IRAK1BP1: variants seen among roughly 807,000 people sequenced by gnomAD.
The protein encoded by IRAK1BP1 is interleukin-1 receptor-associated kinase 1-binding protein 1.
A neutral mutation model predicts 28.0 loss-of-function variants in IRAK1BP1; 24 were observed. That is an observed-to-expected ratio of 0.86 (90% CI 0.62 to 1.20). The LOEUF (loss-of-function observed/expected upper bound fraction) is 1.20. IRAK1BP1 is among the 50% of genes most tolerant of loss of function. The probability of loss-of-function intolerance (pLI) is 0.00; values close to 1 mark genes in which losing one functional copy is unlikely to be tolerated. For synonymous variants in IRAK1BP1, 131 were observed against 116.3 expected, an observed-to-expected ratio of 1.13 and a Z score of -0.81; for missense variants, 336 against 316.7, an observed-to-expected ratio of 1.06 and a Z score of -0.46.
intron 1 of IRAK1BP1, among the ~76,000 whole-genome samples, chr6:78,880,235 G>T (rs970691085): frequency 6.6e-6 from 1 of 152,182 alleles, no homozygotes; most frequent in African/African-American, 2.4e-5. Flanking sequence ...TCAGATTTCA[G>T]ATTTTTATTT....
Position 78,933,051 on chromosome 6 carries a change from C to A in IRAK1BP1, c.*68-12357C>A, listed in dbSNP as rs779115640. ...GTAGATTTAATATAATTCTTAAGGG[C>A]CCTAGAATTTTTGGAATGGTAAAGA... On this transcript the variant is annotated intron_variant and NMD_transcript_variant, in intron 4 of 4. Coordinates refer to the IRAK1BP1 transcript ENST00000606868. Among the ~76,000 whole-genome samples the A allele has an allele frequency of 2.6e-5, 4 of 151,808 alleles. No homozygotes were observed. In the South Asian group the frequency reaches 8.3e-4, roughly 31 times the overall value.
At chr6:78,871,611 G>A (rs113002225) in intron 1 of IRAK1BP1, 3 of 848,924 alleles carry the variant, frequency 3.5e-6, no homozygotes, top group African/African-American at 3.7e-5. Flanking sequence ...TCCCAAGTAT[G>A]ATGGTATTCG....
chr6:78,955,760 A>T, the IRAK1BP1 span: 2 of 560,772 alleles, frequency 3.6e-6, no homozygotes, highest in Non-Finnish European at 6.5e-6. Context: ...TCGTAAAACC[A>T]TATTTTAAGG....
intron 1 of IRAK1BP1, among the ~76,000 whole-genome samples, chr6:78,873,382 T>C (rs1027406220): frequency 2.0e-5 from 3 of 152,140 alleles, no homozygotes; most frequent in Non-Finnish European, 2.9e-5. Context: ...CTTAAAGTTT[T>C]GTTTAGCCAA....
the IRAK1BP1 span, among the ~76,000 whole-genome samples, chr6:78,974,328 C>T: frequency 2.5e-4 from 38 of 151,524 alleles, no homozygotes; most frequent in Non-Finnish European, 4.9e-4. Context: ...TTGAAACCAA[C>T]GAGAACAAAG....
In IRAK1BP1 at chr6:78,867,895, A is replaced by G. The variant is rs775614101; in HGVS notation, c.315+4A>G. On this transcript the variant is annotated splice_donor_region_variant and intron_variant, in intron 1 of 3. Coordinates refer to ENST00000369940, the MANE Select transcript of IRAK1BP1 (RefSeq NM_001010844.4). ...CCTCCAGCAGCAGGGCGTGCAGGTG[A>G]GATCTCCGCGGGGGAGGAAATAAGA... The G allele has an allele frequency of 4.2e-5, 66 of 1,572,868 alleles. No homozygotes were observed. The highest frequency in any genetic ancestry group is 5.0e-5 in the Non-Finnish European group (58 of 1,158,120).
intron 1 of IRAK1BP1, chr6:78,871,387 G>A (rs1412089383): frequency 1.0e-6 from 1 of 985,270 alleles, no homozygotes; most frequent in Non-Finnish European, 1.2e-6. Flanking sequence ...CAAGACTACT[G>A]TAAGATTCCT....
the IRAK1BP1 span, among the ~76,000 whole-genome samples, chr6:78,959,523 C>T: frequency 0.029 from 4,369 of 151,846 alleles, 87 homozygotes; most frequent in Non-Finnish European, 0.042. Flanking sequence ...AGAAGTTTCA[C>T]GAAAGAAAAA....
At chr6:78,967,419 G>C in the IRAK1BP1 span, among the ~76,000 whole-genome samples, 1 of 152,196 alleles carries the variant, frequency 6.6e-6, no homozygotes, top group African/African-American at 2.4e-5. Context: ...AGGAAGGACT[G>C]AGTAATGTGT....
intron 4 of IRAK1BP1, among the ~76,000 whole-genome samples, chr6:78,942,612 G>A (rs569368941): frequency 9.2e-5 from 14 of 152,314 alleles, no homozygotes; most frequent in South Asian, 6.2e-4. Context: ...CTTTAGATTA[G>A]TGGTTGGGAA....
At chr6:78,978,660 A>T in the IRAK1BP1 span, 2 of 1,597,442 alleles carry the variant, frequency 1.3e-6, no homozygotes, top group Non-Finnish European at 1.7e-6. Flanking sequence ...GTTGATGGCA[A>T]CCATTCTTCT....
intron 4 of IRAK1BP1, among the ~76,000 whole-genome samples, chr6:78,921,979 CAG>C (rs755114748): frequency 6.6e-6 from 1 of 152,178 alleles, no homozygotes; most frequent in East Asian, 1.9e-4. Context: ...GGGGAAAAAA[CAG>C]AGCAGAAAAA....
the IRAK1BP1 span, chr6:78,963,329 A>G: frequency 8.0e-6 from 9 of 1,126,560 alleles, no homozygotes; most frequent in Non-Finnish European, 1.1e-5. Context: ...TGTAAAAATA[A>G]CAGTCACAAA....
intron 1 of IRAK1BP1, among the ~76,000 whole-genome samples, chr6:78,879,910 C>CT (rs1439521335): frequency 6.6e-6 from 1 of 152,164 alleles, no homozygotes; most frequent in Admixed American, 6.5e-5. Context: ...GACATACAAC[C>CT]TTTAAGTAGA....
the IRAK1BP1 span, among the ~76,000 whole-genome samples, chr6:78,954,642 A>C: frequency 6.6e-6 from 1 of 152,190 alleles, no homozygotes; most frequent in Admixed American, 6.5e-5. Context: ...CTTCCATTTT[A>C]CCACACTATT....
the IRAK1BP1 span, among the ~76,000 whole-genome samples, chr6:78,968,339 G>A: frequency 4.6e-5 from 7 of 152,136 alleles, no homozygotes; most frequent in African/African-American, 1.7e-4. Context: ...GGTTTTAACT[G>A]ACCAGGTCTA....
At chr6:78,918,171 C>A (rs1050908338) in intron 4 of IRAK1BP1, among the ~76,000 whole-genome samples, 1 of 152,070 alleles carries the variant, frequency 6.6e-6, no homozygotes, top group East Asian at 1.9e-4. Context: ...GTGGCACACA[C>A]CGGTGGTCCC....
chr6:78,964,186 T>G, the IRAK1BP1 span, among the ~76,000 whole-genome samples: 1 of 152,150 alleles, frequency 6.6e-6, no homozygotes, highest in Admixed American at 6.5e-5. Flanking sequence ...ATTTAAGATA[T>G]TTTATAATTT....
chr6:78,888,520 ATT>A (rs35503114), intron 2 of IRAK1BP1, among the ~76,000 whole-genome samples: 3 of 143,836 alleles, frequency 2.1e-5, no homozygotes, highest in Admixed American at 6.9e-5. Flanking sequence ...TACAGCTCCA[ATT>A]TTTTTTTTTT....
Sources: allele counts gnomAD v4.1 joint callset (sites outside exome capture counted in the v4.1 genomes callset), GRCh38; gene constraint gnomAD v4.1.1; transcripts MANE v1.5; gene names NCBI Gene and HGNC (gene_info 2026-07-23, HGNC 2026-07-21).